The following DLG2 variants were observed in gnomAD, a reference collection of about 807,000 sequenced individuals.
DLG2 encodes discs large MAGUK scaffold protein 2.
Under a neutral mutation model 132.5 loss-of-function variants are expected in DLG2, and 45 were observed. That is an observed-to-expected ratio of 0.34 (90% CI 0.27 to 0.44). The LOEUF (loss-of-function observed/expected upper bound fraction) is 0.44. Among genes scored for constraint, DLG2 ranks in the 20% least tolerant of loss-of-function variants. The pLI, the probability that DLG2 is intolerant of heterozygous loss-of-function variation, is 1.00. For synonymous variants in DLG2, 424 were observed against 419.6 expected (o/e 1.01, Z -0.13); for missense variants, 1,045 against 1,196.9 (o/e 0.87, Z 1.87).
chr11:84,864,720 T>C (rs2084281167), intron 6 of DLG2, among the ~76,000 whole-genome samples: 1 of 152,070 alleles, frequency 6.6e-6, no homozygotes, highest in Non-Finnish European at 1.5e-5. Context: ...AGTGTAACAA[T>C]AGAGATTCAA....
At chr11:83,487,126 G>C (rs1315913434) in intron 21 of DLG2, among the ~76,000 whole-genome samples, 1 of 151,972 alleles carries the variant, frequency 6.6e-6, no homozygotes, top group African/African-American at 2.4e-5. Context: ...AATTATACTT[G>C]ATCAATGATA....
rs529703775 is a variant in DLG2 at position 85,480,819 on chromosome 11, G to GA, written c.40+117837dup. The stretch of plus-strand genomic sequence containing the variant: ...TTCTGTCTTTTTCAGCTGCACACAG[G>GA]AAAAAAAACTAAATGTCATGTTTCA... On this transcript the variant is annotated intron_variant, in intron 3 of 27. Transcript: ENST00000376104. Among the ~76,000 whole-genome samples, 290 of 151,778 alleles carry GA rather than the reference G, an allele frequency of 1.9e-3. 3 individuals carry two copies. In the East Asian group the frequency reaches 0.038, roughly 20 times the overall value.
chr11:85,354,274 AAACT>A (rs1448482613), intron 3 of DLG2, among the ~76,000 whole-genome samples: 3 of 152,158 alleles, frequency 2.0e-5, no homozygotes, highest in African/African-American at 4.8e-5. Flanking sequence ...ATATAAATTA[AAACT>A]AACTTAAAAA....
intron 15 of DLG2, among the ~76,000 whole-genome samples, chr11:83,886,481 T>C (rs1451525757): frequency 6.6e-6 from 1 of 152,020 alleles, no homozygotes; most frequent in Non-Finnish European, 1.5e-5. Flanking sequence ...AGACTTAGAC[T>C]CCCACACAAT....
At chr11:85,178,737 AAT>A (rs1333537289) in intron 4 of DLG2, among the ~76,000 whole-genome samples, 1 of 151,948 alleles carries the variant, frequency 6.6e-6, no homozygotes, top group Non-Finnish European at 1.5e-5. Flanking sequence ...AACAAAAATT[AAT>A]AGATATTATA....
chr11:83,978,361 C>T (rs1243170353), intron 12 of DLG2, among the ~76,000 whole-genome samples: 3 of 152,020 alleles, frequency 2.0e-5, no homozygotes, highest in African/African-American at 7.2e-5. Flanking sequence ...ACAGTCATTA[C>T]TTGAGAACGA....
chr11:85,496,184 T>A (rs1268962629), intron 3 of DLG2, among the ~76,000 whole-genome samples: 1 of 152,172 alleles, frequency 6.6e-6, no homozygotes, highest in African/African-American at 2.4e-5. Context: ...GGAGGAACAG[T>A]ATACTCCTGC....
At chr11:84,430,059 A>G (rs1193338423) in intron 7 of DLG2, among the ~76,000 whole-genome samples, 1 of 152,186 alleles carries the variant, frequency 6.6e-6, no homozygotes, top group Non-Finnish European at 1.5e-5. Flanking sequence ...CTGTAGATTC[A>G]GTAAACCTGT....
intron 3 of DLG2, among the ~76,000 whole-genome samples, chr11:85,471,476 AG>A (rs1302780601): frequency 1.3e-5 from 2 of 152,238 alleles, no homozygotes; most frequent in African/African-American, 4.8e-5. Flanking sequence ...AAAAGATAAA[AG>A]GAGGCACAAA....
intron 3 of DLG2, among the ~76,000 whole-genome samples, chr11:85,492,861 T>C (rs949262902): frequency 2.6e-5 from 4 of 152,102 alleles, no homozygotes; most frequent in Admixed American, 6.6e-5. Flanking sequence ...AAACATCATA[T>C]TGTTAAGGTA....
At chr11:84,764,449 C>T (rs372319448) in intron 6 of DLG2, among the ~76,000 whole-genome samples, 75 of 152,188 alleles carry the variant, frequency 4.9e-4, no homozygotes, top group African/African-American at 1.6e-3. Flanking sequence ...TTAACATTTA[C>T]ATAGTGCTCA....
At chr11:84,552,029 A>G (rs1014932204) in intron 6 of DLG2, among the ~76,000 whole-genome samples, 9 of 152,156 alleles carry the variant, frequency 5.9e-5, no homozygotes. Flanking sequence ...AAGATGGTTT[A>G]CATTAGACTG....
At chr11:84,638,926 A>G (rs2099646166) in intron 6 of DLG2, among the ~76,000 whole-genome samples, 1 of 152,212 alleles carries the variant, frequency 6.6e-6, no homozygotes. Context: ...ATTTACATTG[A>G]AACACTGAAT....
At chr11:84,832,504 C>T (rs535893958) in intron 6 of DLG2, among the ~76,000 whole-genome samples, 6 of 151,634 alleles carry the variant, frequency 4.0e-5, no homozygotes, top group East Asian at 3.9e-4. Context: ...AGACAAAGCA[C>T]GGAAAAGTGC....
intron 18 of DLG2, among the ~76,000 whole-genome samples, chr11:83,726,094 T>C (rs557696855): frequency 6.6e-6 from 1 of 152,178 alleles, no homozygotes; most frequent in South Asian, 2.1e-4. Flanking sequence ...GTCATCTAAG[T>C]GTAAATGTTT....
intron 19 of DLG2, among the ~76,000 whole-genome samples, chr11:83,606,647 G>T (rs202079129): frequency 6.8e-6 from 1 of 146,728 alleles, no homozygotes; most frequent in Non-Finnish European, 1.5e-5. Flanking sequence ...AAAAAAAAAG[G>T]CCGGGCGCGG....
intron 22 of DLG2, among the ~76,000 whole-genome samples, chr11:83,481,600 C>G (rs2093115937): frequency 6.6e-6 from 1 of 152,062 alleles, no homozygotes; most frequent in South Asian, 2.1e-4. Flanking sequence ...TAAATTCACA[C>G]AAATCATTTC....
chr11:84,577,332 T>A lies in DLG2; in HGVS notation c.358-42601A>T, dbSNP rs192308595. ...TTTGGAGCTGGCTAACAGGCAGAGG[T>A]TGGAACAGTTTGGAGGGCTCAGAAG... On this transcript the variant is annotated intron_variant, in intron 6 of 27. Transcript: ENST00000376104. Among the ~76,000 whole-genome samples the A allele has an allele frequency of 9.9e-5, 15 of 152,140 alleles. No homozygotes were observed. In the East Asian group the frequency reaches 2.9e-3, roughly 29 times the overall value.
At chr11:85,207,075 G>C (rs992793562) in intron 4 of DLG2, among the ~76,000 whole-genome samples, 2 of 152,032 alleles carry the variant, frequency 1.3e-5, no homozygotes, top group Non-Finnish European at 2.9e-5. Flanking sequence ...TATTCAATTT[G>C]CTGTCTCATC....
Sources: gnomAD v4.1 joint callset for allele counts (sites outside exome capture counted in the v4.1 genomes callset) on GRCh38, gnomAD v4.1.1 for gene constraint, MANE v1.5 for transcripts, NCBI Gene and HGNC (gene_info 2026-07-23, HGNC 2026-07-21) for gene names.